Variants in FGGY observed in about 807,000 individuals in gnomAD.
FGGY encodes FGGY carbohydrate kinase domain-containing protein.
FGGY carries 72 observed loss-of-function variants against 71.3 expected under a neutral mutation model. The observed-to-expected ratio is 1.01, with a 90% CI of 0.84 to 1.23. FGGY has a LOEUF of 1.23. FGGY is among the 50% of genes most tolerant of loss of function. FGGY has a pLI of 0.00. For synonymous variants in FGGY, 251 were observed against 250.3 expected, an observed-to-expected ratio of 1.00 and a Z score of -0.02; for missense variants, 668 against 682.3, an observed-to-expected ratio of 0.98 and a Z score of 0.23.
intron 8 of FGGY, among the ~76,000 whole-genome samples, chr1:59,575,267 C>A (rs898919274): frequency 3.9e-5 from 6 of 152,138 alleles, no homozygotes; most frequent in Non-Finnish European, 7.4e-5. Context: ...TGCTTTACCC[C>A]TTGGCAACCC....
intron 7 of FGGY, among the ~76,000 whole-genome samples, chr1:59,538,354 G>A (rs2095372097): frequency 6.6e-6 from 1 of 151,756 alleles, no homozygotes; most frequent in Admixed American, 6.6e-5. Context: ...ACAGGTGCTG[G>A]AGAGGATGTG....
At chr1:59,656,153 C>T (rs182460516) in intron 11 of FGGY, among the ~76,000 whole-genome samples, 8 of 152,024 alleles carry the variant, frequency 5.3e-5, no homozygotes, top group African/African-American at 1.9e-4. Flanking sequence ...ATGTGCTTAC[C>T]CTTGCAACTC....
chr1:59,733,464 T>TTTTTTTTTG (rs2098065849), intron 14 of FGGY, among the ~76,000 whole-genome samples: 1 of 144,638 alleles, frequency 6.9e-6, no homozygotes, highest in Non-Finnish European at 1.5e-5. Context: ...TTGTTTTGTT[T>TTTTTTTTTG]TTTTGTTTTG....
intron 14 of FGGY, among the ~76,000 whole-genome samples, chr1:59,729,280 G>A (rs146770423): frequency 9.9e-4 from 150 of 151,954 alleles, no homozygotes; most frequent in Middle Eastern, 3.4e-3. Context: ...TTTGTGCATA[G>A]TGTTTACTTT....
At chr1:59,325,077 G>A (rs2047140034) in intron 2 of FGGY, among the ~76,000 whole-genome samples, 1 of 152,138 alleles carries the variant, frequency 6.6e-6, no homozygotes, top group South Asian at 2.1e-4. Flanking sequence ...GCTTAGGCGG[G>A]GCGTGTTGGC....
intron 15 of FGGY, among the ~76,000 whole-genome samples, chr1:59,760,188 C>A (rs34420078): frequency 6.6e-6 from 1 of 152,016 alleles, no homozygotes. Flanking sequence ...TATAAATGAC[C>A]AGTAAGCACG....
chr1:59,733,769 C>T (rs774145626), intron 14 of FGGY, among the ~76,000 whole-genome samples: 72 of 152,196 alleles, frequency 4.7e-4, no homozygotes, highest in Non-Finnish European at 7.8e-4. Flanking sequence ...TGCACACAGC[C>T]GTAAGGACAA....
intron 5 of FGGY, among the ~76,000 whole-genome samples, chr1:59,379,945 G>GCTTCCAGCTTCATCCGTGTC (rs2059186662): frequency 6.6e-6 from 1 of 150,506 alleles, no homozygotes; most frequent in Non-Finnish European, 1.5e-5. Flanking sequence ...GCTATCCCCC[G>GCTTCCAGCTTCATCCGTGTC]CCTCCCCACC....
At chr1:59,689,570 A>C (rs1370513029) in intron 14 of FGGY, among the ~76,000 whole-genome samples, 1 of 152,092 alleles carries the variant, frequency 6.6e-6, no homozygotes, top group Non-Finnish European at 1.5e-5. Flanking sequence ...AAAAAAAAAA[A>C]CGTTAAGTCC....
intron 7 of FGGY, among the ~76,000 whole-genome samples, chr1:59,544,856 A>G (rs1276819668): frequency 6.6e-6 from 1 of 152,214 alleles, no homozygotes; most frequent in East Asian, 1.9e-4. Flanking sequence ...CAGACTGTGT[A>G]GCTCAACAGT....
At chr1:59,330,183 C>T (rs1474340151) in intron 2 of FGGY, among the ~76,000 whole-genome samples, 1 of 152,000 alleles carries the variant, frequency 6.6e-6, no homozygotes, top group African/African-American at 2.4e-5. Flanking sequence ...TAAGATATTT[C>T]ACTTTTTGGA....
In FGGY at chr1:59,667,389, A is replaced by C; in HGVS notation, c.1403A>C (p.His468Pro). ...LSKNPLFVQM[H>P]ADITGMPVVL... is the part of the protein sequence containing the mutation. ...AAGAATCCCCTTTTTGTGCAAATGC[A>C]TGCGGACATTACTGGTAAGTCTGGG... is the stretch of plus-strand genomic sequence containing the variant. Residue 468 changes from histidine to proline, a missense_variant, in exon 13 of 16, where the codon CAT becomes CCT. By Grantham distance (77) the His-to-Pro change is moderately conservative (BLOSUM62 -2). This residue lies in a region of FGGY where 661 missense variants were observed against 661.6 expected (regional missense o/e 1.00). Transcript: ENST00000303721. The C allele has an allele frequency of 6.2e-7, 1 of 1,614,156 alleles. No homozygotes were observed. Among genetic ancestry groups the C allele is most frequent in the African/African-American group, 1.3e-5 (1 of 75,046 alleles).
intron 8 of FGGY, among the ~76,000 whole-genome samples, chr1:59,592,744 A>G (rs1483042892): frequency 1.4e-5 from 2 of 141,354 alleles, no homozygotes; most frequent in Non-Finnish European, 3.0e-5. Context: ...ATGAGAATAC[A>G]TGGACACAGG....
At chr1:59,388,664 T>A (rs932126903) in intron 5 of FGGY, among the ~76,000 whole-genome samples, 6 of 152,200 alleles carry the variant, frequency 3.9e-5, no homozygotes, top group Non-Finnish European at 8.8e-5. Flanking sequence ...TCTTTAGATG[T>A]ATATAGTATA....
chr1:59,371,987 CAATT>C (rs2057733987), intron 4 of FGGY, among the ~76,000 whole-genome samples: 1 of 151,912 alleles, frequency 6.6e-6, no homozygotes, highest in Non-Finnish European at 1.5e-5. Flanking sequence ...CCTAACATCA[CAATT>C]AAAAGAACTA....
chr1:59,591,167 A>C (rs182125266), intron 8 of FGGY, among the ~76,000 whole-genome samples: 5 of 152,178 alleles, frequency 3.3e-5, no homozygotes, highest in Non-Finnish European at 5.9e-5. Flanking sequence ...AGAGCCAAAT[A>C]ATGAGTGAGC....
At chr1:59,438,691 G>A (rs547223942) in intron 5 of FGGY, among the ~76,000 whole-genome samples, 1 of 152,180 alleles carries the variant, frequency 6.6e-6, no homozygotes, top group Admixed American at 6.5e-5. Context: ...TAACTTCTGA[G>A]TATTAGGAAT....
At chr1:59,371,717 C>G (rs2057674775) in intron 4 of FGGY, among the ~76,000 whole-genome samples, 1 of 152,110 alleles carries the variant, frequency 6.6e-6, no homozygotes, top group African/African-American at 2.4e-5. Context: ...TCTCTCAGAC[C>G]ACAGTGCAAT....
At chr1:59,355,622 C>T (rs1421867797) in intron 4 of FGGY, among the ~76,000 whole-genome samples, 1 of 151,644 alleles carries the variant, frequency 6.6e-6, no homozygotes, top group Non-Finnish European at 1.5e-5. Context: ...AGAATTTTAT[C>T]TCTGCCCTTT....
Sources: allele counts gnomAD v4.1 joint callset (sites outside exome capture counted in the v4.1 genomes callset), GRCh38; gene constraint gnomAD v4.1.1; regional missense constraint gnomAD v4.1.1; transcripts MANE v1.5; gene names NCBI Gene and HGNC (gene_info 2026-07-23, HGNC 2026-07-21).